LYZL4: variants seen among roughly 807,000 people sequenced by gnomAD.
LYZL4 encodes the protein lysozyme like 4, also known as lysozyme-like protein 4.
LYZL4 carries 13 observed loss-of-function variants against 17.6 expected under a neutral mutation model. The observed-to-expected ratio is 0.74, with a 90% CI of 0.48 to 1.18. The LOEUF is 1.18. LYZL4 is among the 50% of genes most tolerant of loss of function. LYZL4 has a pLI of 0.00. For missense variants in LYZL4, 174 were observed against 188.2 expected, an observed-to-expected ratio of 0.92 and a Z score of 0.44; for synonymous variants, 64 against 67.7, an observed-to-expected ratio of 0.95 and a Z score of 0.27.
At position 42,404,077 on chromosome 3, in the gene LYZL4, T is replaced by G. The variant is rs577414999; in HGVS notation, c.340A>C (p.Ile114Leu). Residue 114 changes from isoleucine (I) to leucine (L), a missense_variant, in exon 4 of 5, where the codon ATT becomes CTT. Ile to Leu is a conservative substitution (Grantham distance 5). Transcript: ENST00000287748. ...CCCATCCCTTCTTTTCCTTTTACAATGGTCTTGGCACATTTAATTGTCTTC... is the reference window on the plus strand; with the variant it reads ...CCCATCCCTTCTTTTCCTTTTACAAGGGTCTTGGCACATTTAATTGTCTTC... ...LEKTIKCAKT[I>L]VKGKEGMGAW... is the part of the protein sequence containing the mutation. 47 of 1,613,056 alleles carry G rather than the reference T, an allele frequency of 2.9e-5. No individual in the cohort carries two copies. In the African/African-American group the frequency reaches 5.5e-4, roughly 19 times the overall value.
At chr3:42,395,578 T>A (rs1001266017), downstream of LYZL4, among the ~76,000 whole-genome samples, 2 of 152,174 alleles carry the variant, frequency 1.3e-5, no homozygotes, top group African/African-American at 4.8e-5. Context: ...TTTAGCAACA[T>A]GACAATGATG....
the LYZL4 span, among the ~76,000 whole-genome samples, chr3:42,381,315 T>C: frequency 6.6e-6 from 1 of 152,226 alleles, no homozygotes; most frequent in Non-Finnish European, 1.5e-5. Context: ...TTTGAATTTT[T>C]TTCAGATTTT....
chr3:42,375,065 C>A, the LYZL4 span, among the ~76,000 whole-genome samples: 1 of 152,138 alleles, frequency 6.6e-6, no homozygotes, highest in Non-Finnish European at 1.5e-5. Context: ...CCCACCTCAG[C>A]CTCCCAAAGT....
the LYZL4 span, among the ~76,000 whole-genome samples, chr3:42,370,450 A>T: frequency 6.6e-6 from 1 of 152,188 alleles, no homozygotes; most frequent in African/African-American, 2.4e-5. Context: ...TAAAAGTCCC[A>T]GGTAGCCCCT....
chr3:42,393,206 AC>A (rs1698510354), downstream of LYZL4, among the ~76,000 whole-genome samples: 1 of 151,906 alleles, frequency 6.6e-6, no homozygotes, highest in Non-Finnish European at 1.5e-5. Context: ...ACAAAGCAAA[AC>A]CAGCCACAAC....
intron 1 of LYZL4, among the ~76,000 whole-genome samples, chr3:42,407,858 C>T (rs912412993): frequency 6.9e-4 from 105 of 152,240 alleles, no homozygotes; most frequent in African/African-American, 2.5e-3. Context: ...ACCAAACTCC[C>T]CTGAGTTTTT....
At chr3:42,385,458 T>C in the LYZL4 span, among the ~76,000 whole-genome samples, 4 of 152,212 alleles carry the variant, frequency 2.6e-5, no homozygotes, top group African/African-American at 9.6e-5. Context: ...GTAGCCTAGG[T>C]GCATAGTAGG....
At chr3:42,380,391 C>T in the LYZL4 span, among the ~76,000 whole-genome samples, 2 of 152,134 alleles carry the variant, frequency 1.3e-5, no homozygotes, top group Non-Finnish European at 2.9e-5. Context: ...CTCTAAAGGG[C>T]CATGGAGTAA....
At chr3:42,392,773 TG>T (rs1410003988), downstream of LYZL4, among the ~76,000 whole-genome samples, 10 of 152,294 alleles carry the variant, frequency 6.6e-5, no homozygotes, top group South Asian at 1.9e-3. Flanking sequence ...AAAGAATTAT[TG>T]GCATCAGAGA....
chr3:42,367,878 AG>A, the LYZL4 span, among the ~76,000 whole-genome samples: 1 of 152,196 alleles, frequency 6.6e-6, no homozygotes, highest in Admixed American at 6.5e-5. Flanking sequence ...CACCCAACAA[AG>A]CATAAGGAAA....
At chr3:42,366,765 T>A in the LYZL4 span, among the ~76,000 whole-genome samples, 9,271 of 152,284 alleles carry the variant, frequency 0.061, 379 homozygotes, top group Middle Eastern at 0.099. Flanking sequence ...ACCTACTATG[T>A]GCCAGGCCCT....
intron 3 of LYZL4, among the ~76,000 whole-genome samples, chr3:42,404,773 G>C (rs754365694): frequency 2.0e-5 from 3 of 152,054 alleles, no homozygotes; most frequent in Non-Finnish European, 4.4e-5. Context: ...CAGGCCTACT[G>C]TATTTCTCTT....
intron 4 of LYZL4, among the ~76,000 whole-genome samples, chr3:42,401,360 G>A (rs1479177988): frequency 1.3e-5 from 2 of 151,938 alleles, no homozygotes; most frequent in Non-Finnish European, 2.9e-5. Context: ...ACAGACACAT[G>A]CCACCACGCC....
chr3:42,379,590 A>T, the LYZL4 span, among the ~76,000 whole-genome samples: 54 of 150,038 alleles, frequency 3.6e-4, no homozygotes, highest in East Asian at 0.011. Context: ...GAAGGCCAGG[A>T]ACCAAGAGAA....
chr3:42,364,180 C>T, the LYZL4 span, among the ~76,000 whole-genome samples: 2 of 152,150 alleles, frequency 1.3e-5, no homozygotes, highest in African/African-American at 4.8e-5. Context: ...GCTTTCTGCT[C>T]CACCCCTGTT....
intron 4 of LYZL4, among the ~76,000 whole-genome samples, chr3:42,399,115 C>T (rs1698608692): frequency 6.6e-6 from 1 of 152,172 alleles, no homozygotes; most frequent in Non-Finnish European, 1.5e-5. Context: ...GTAATTTCAA[C>T]ATGCAAAGCA....
intron 4 of LYZL4, among the ~76,000 whole-genome samples, chr3:42,397,866 C>T (rs1413915415): frequency 9.2e-5 from 14 of 152,196 alleles, no homozygotes; most frequent in Non-Finnish European, 1.6e-4. Flanking sequence ...GTTTCTCTAA[C>T]CTTTTCTCCT....
At chr3:42,390,653 A>T in the LYZL4 span, among the ~76,000 whole-genome samples, 1 of 151,992 alleles carries the variant, frequency 6.6e-6, no homozygotes, top group Non-Finnish European at 1.5e-5. Context: ...TTACTGGAAT[A>T]TGTGCCTGCC....
In LYZL4 at chr3:42,406,853, T is replaced by A; in HGVS notation, c.285A>T (p.Ser95=). 6.2e-7 allele frequency: 1 copy of A among 1,614,026 alleles called. No individual in the cohort carries two copies. Among genetic ancestry groups the A allele is most frequent in the East Asian group, 2.2e-5 (1 of 44,876 alleles). The part of the protein sequence containing the change: ...GDHGRNRCHM[S]CSALLNPNLE... ...ATGGAAAGAGGGACTTACCGGAACA[T>A]GACATATGGCAGCGGTTCCTGCCAT... Residue 95 remains serine, a synonymous_variant, in exon 3 of 5, where the codon TCA becomes TCT. Coordinates refer to ENST00000287748, the MANE Select transcript of LYZL4 (RefSeq NM_144634.4).
Sources: gnomAD v4.1 joint callset for allele counts (sites outside exome capture counted in the v4.1 genomes callset) on GRCh38, gnomAD v4.1.1 for gene constraint, MANE v1.5 for transcripts, NCBI Gene and HGNC (gene_info 2026-07-23, HGNC 2026-07-21) for gene names.